The following ARID4B variants were observed in gnomAD, a reference collection of about 807,000 sequenced individuals.
ARID4B encodes the protein AT-rich interactive domain-containing protein 4B.
A neutral mutation model predicts 147.5 loss-of-function variants in ARID4B; 26 were observed. The ratio of observed to expected loss-of-function variants is 0.18; its 90% CI spans 0.13 to 0.24. The LOEUF (loss-of-function observed/expected upper bound fraction) is 0.24. ARID4B is among the 10% of genes least tolerant of loss of function. The pLI, the probability that ARID4B is intolerant of heterozygous loss-of-function variation, is 1.00. For missense variants in ARID4B, 1,179 were observed against 1,511.5 expected (o/e 0.78, Z 3.65); for synonymous variants, 512 against 507.9 (o/e 1.01, Z -0.11).
chr1:235,197,842 C>G (rs1665607797), intron 17 of ARID4B, among the ~76,000 whole-genome samples: 1 of 152,164 alleles, frequency 6.6e-6, no homozygotes, highest in African/African-American at 2.4e-5. Context: ...CCTTTTGGTA[C>G]TTCTACCTGG....
chr1:235,191,856 T>C (rs1018136398), intron 19 of ARID4B, among the ~76,000 whole-genome samples: 1 of 152,148 alleles, frequency 6.6e-6, no homozygotes, highest in African/African-American at 2.4e-5. Flanking sequence ...ATGGATTGGA[T>C]TGCTTGAGTC....
rs1669603595 is a variant in ARID4B at position 235,250,931 on chromosome 1, CCTTCA to C, written c.354+1794_354+1798del. Among the ~76,000 whole-genome samples, 4 of 152,220 alleles carry C rather than the reference CCTTCA, an allele frequency of 2.6e-5. No homozygotes were observed. The South Asian group carries it at 8.3e-4, about 32-fold the overall frequency. ...CTAGACTAAAAAAATAAAATGCAGA[CCTTCA>C]CTTAACAGGAGAAAAACCATGTCTT... On this transcript the variant is annotated intron_variant, in intron 6 of 23. Transcript: ENST00000264183.
At chr1:235,254,975 A>C (rs1236334060) in intron 5 of ARID4B, among the ~76,000 whole-genome samples, 2 of 152,002 alleles carry the variant, frequency 1.3e-5, no homozygotes, top group Non-Finnish European at 2.9e-5. Flanking sequence ...TTAGGAAGGC[A>C]GTTTTCATTA....
chr1:235,175,364 C>G lies in ARID4B; in HGVS notation c.3484G>C (p.Glu1162Gln). 1 of 1,614,114 alleles carries G rather than the reference C, an allele frequency of 6.2e-7. No individual in the cohort carries two copies. Among genetic ancestry groups the G allele is most frequent in the Non-Finnish European group, 8.5e-7 (1 of 1,179,994 alleles). The change falls in exon 22 of 24, where the codon GAA becomes CAA. Residue 1162 changes from glutamate (E) to glutamine (Q), a missense_variant. Coordinates refer to ENST00000264183, the MANE Select transcript of ARID4B (RefSeq NM_016374.6). ...ACTGGCTGACTCTTAGTTATACTTT[C>G]ACCAGCTGAAAGTTCTTCACTATCA... Reference protein sequence around the residue: ...SSDSEELSAGESITKSQPVKS... With the variant: ...SSDSEELSAGQSITKSQPVKS...
intron 2 of ARID4B, among the ~76,000 whole-genome samples, chr1:235,312,905 G>GGAGGTTGCACTGAGCC (rs1674164794): frequency 6.6e-6 from 1 of 152,104 alleles, no homozygotes; most frequent in Admixed American, 6.6e-5. Context: ...CCTAGGAGGC[G>GGAGGTTGCACTGAGCC]GAGGTTGCAC....
At chr1:235,220,241 T>C in intron 15 of ARID4B, 61 bp downstream of exon 15, 3 of 1,459,010 alleles carry the variant, frequency 2.1e-6, no homozygotes, top group Non-Finnish European at 2.8e-6. Flanking sequence ...TTTGGAACTT[T>C]ATAGAGGATA....
chr1:235,296,990 C>A (rs928078060), intron 2 of ARID4B, among the ~76,000 whole-genome samples: 4 of 152,004 alleles, frequency 2.6e-5, no homozygotes, highest in Non-Finnish European at 4.4e-5. Flanking sequence ...AAAACCAGGG[C>A]TACTTGTTCT....
chr1:235,315,032 T>C lies in ARID4B; in HGVS notation c.6+11882A>G, dbSNP rs1572225068. On this transcript the variant is annotated intron_variant, in intron 2 of 23. Transcript: ENST00000264183. ...AGATAGCATTAATAGAACTTTTATA[T>C]AGGATTTCAGATATTCTAGTTGTCA... 4.6e-5 allele frequency among the ~76,000 whole-genome samples: 7 copies of C among 152,318 alleles called. 2 individuals carry two copies. Among genetic ancestry groups the C allele is most frequent in the Admixed American group, 4.6e-4 (7 of 15,296 alleles).
intron 2 of ARID4B, among the ~76,000 whole-genome samples, chr1:235,323,318 A>G (rs930376550): frequency 3.9e-5 from 6 of 151,938 alleles, no homozygotes; most frequent in African/African-American, 1.5e-4. Context: ...TGGGATTACA[A>G]GCATGAGCCA....
chr1:235,327,584 C>A, intron 1 of ARID4B, 185 bp downstream of exon 1: 1 of 152,218 alleles, frequency 6.6e-6, no homozygotes, highest in East Asian at 1.9e-4. Flanking sequence ...AGTGTGCGGC[C>A]GCCCAGCCAG....
intron 2 of ARID4B, among the ~76,000 whole-genome samples, chr1:235,293,368 T>C (rs1252565856): frequency 6.6e-6 from 1 of 152,210 alleles, no homozygotes; most frequent in Non-Finnish European, 1.5e-5. Context: ...AAACCAAACA[T>C]TGTAACTTCA....
intron 11 of ARID4B, among the ~76,000 whole-genome samples, 170 bp from the exon 12 acceptor site, chr1:235,224,945 G>A (rs1667729300): frequency 1.3e-5 from 2 of 152,138 alleles, no homozygotes; most frequent in South Asian, 4.1e-4. Flanking sequence ...GGTAAGTCTA[G>A]ACATTTTATG....
intron 11 of ARID4B, among the ~76,000 whole-genome samples, chr1:235,228,097 G>C (rs1432245425): frequency 6.6e-6 from 1 of 151,666 alleles, no homozygotes; most frequent in Admixed American, 6.6e-5. Context: ...GCCTCACAGA[G>C]TGCTAGGATT....
chr1:235,301,534 CT>C (rs567369149), intron 2 of ARID4B, among the ~76,000 whole-genome samples: 54,826 of 99,806 alleles, frequency 0.55, 14,364 homozygotes, highest in South Asian at 0.79. Context: ...GACCCTATTT[CT>C]TTTTTTTTTT....
At chr1:235,275,928 G>C (rs1457841181) in intron 2 of ARID4B, among the ~76,000 whole-genome samples, 1 of 152,188 alleles carries the variant, frequency 6.6e-6, no homozygotes, top group Non-Finnish European at 1.5e-5. Context: ...CTTGAGCCCA[G>C]GAGTTCAAGA....
In ARID4B at chr1:235,230,620, G is replaced by GA. The variant is rs1208682031; in HGVS notation, c.742+492dup. 5.1e-4 allele frequency among the ~76,000 whole-genome samples: 40 copies of GA among 78,212 alleles called. 1 individual carries two copies. Among genetic ancestry groups the GA allele is most frequent in the African/African-American group, 2.1e-3 (32 of 15,040 alleles). 51.3% of individuals were successfully genotyped at this position (78,212 alleles called of 152,430 possible). ...AAAAAAAAAAAAAAAAAAAAAACCA[G>GA]AAAAAAAAAGGAAACCTATGGTTGG... On this transcript the variant is annotated intron_variant, in intron 10 of 23. Transcript: ENST00000264183.
At chr1:235,229,960 G>T (rs1668097432) in intron 10 of ARID4B, among the ~76,000 whole-genome samples, 1 of 152,050 alleles carries the variant, frequency 6.6e-6, no homozygotes, top group Non-Finnish European at 1.5e-5. Flanking sequence ...AATCTACATA[G>T]CATATTACTG....
At chr1:235,275,020 T>TGC (rs1164081400) in intron 2 of ARID4B, among the ~76,000 whole-genome samples, 2,997 of 148,528 alleles carry the variant, frequency 0.02, 251 homozygotes, top group African/African-American at 0.031. Flanking sequence ...TGTGTGTGTG[T>TGC]GTGCACGCGC....
intron 2 of ARID4B, 128 bp from the exon 3 acceptor site, chr1:235,260,880 C>A: frequency 1.6e-6 from 1 of 608,048 alleles, no homozygotes. Flanking sequence ...GTTAACAAGA[C>A]CAATCTATAA....
Sources: allele counts gnomAD v4.1 joint callset (sites outside exome capture counted in the v4.1 genomes callset), GRCh38; gene constraint gnomAD v4.1.1; transcripts MANE v1.5; gene names NCBI Gene and HGNC (gene_info 2026-07-23, HGNC 2026-07-21).